STAB2: variants seen among roughly 807,000 people sequenced by gnomAD.
STAB2 encodes stabilin-2.
STAB2 carries 288 observed loss-of-function variants against 338.1 expected under a neutral mutation model. The observed-to-expected ratio is 0.85, with a 90% CI of 0.77 to 0.94. The LOEUF is 0.94. STAB2 is among the 40% of genes least tolerant of loss of function. The probability of loss-of-function intolerance (pLI) is 0.00; values close to 1 mark genes in which losing one functional copy is unlikely to be tolerated. For synonymous variants in STAB2, 1,202 were observed against 1,193.3 expected (o/e 1.01, Z -0.15); for missense variants, 3,141 against 3,210.1 (o/e 0.98, Z 0.52).
At chr12:103,672,224 G>A (rs1313714644) in intron 22 of STAB2, among the ~76,000 whole-genome samples, 1 of 152,192 alleles carries the variant, frequency 6.6e-6, no homozygotes, top group Non-Finnish European at 1.5e-5. Context: ...GGATGGATGG[G>A]AAAGCAGAGC....
chr12:103,675,023 A>G (rs559526822), intron 23 of STAB2, among the ~76,000 whole-genome samples: 8 of 152,294 alleles, frequency 5.3e-5, no homozygotes, highest in Admixed American at 5.2e-4. Flanking sequence ...TATGAACTAT[A>G]TTGTCTTAGG....
chr12:103,591,917 T>A (rs768131111), intron 2 of STAB2, among the ~76,000 whole-genome samples: 21 of 152,224 alleles, frequency 1.4e-4, no homozygotes, highest in Non-Finnish European at 4.4e-5. Flanking sequence ...TAGTACTCAA[T>A]GAGTTTGCTT....
intron 67 of STAB2, 103 bp downstream of exon 67, chr12:103,762,505 G>A (rs767489409): frequency 7.7e-5 from 121 of 1,567,508 alleles, no homozygotes; most frequent in Non-Finnish European, 1.0e-4. Context: ...TCCTCACCCA[G>A]AAGCAGTGTG....
At chr12:103,675,873 C>T in intron 23 of STAB2, 55 bp from the exon 24 acceptor site, 1 of 1,459,148 alleles carries the variant, frequency 6.9e-7, no homozygotes. Flanking sequence ...GGCTGGCTCT[C>T]TTCTGGGTCG....
intron 50 of STAB2, 37 bp from the exon 51 acceptor site, chr12:103,732,969 G>A (rs1327135851): frequency 6.2e-7 from 1 of 1,603,982 alleles, no homozygotes; most frequent in Non-Finnish European, 8.5e-7. Context: ...TCTGGGCCTT[G>A]CTCAAGCCAG....
chr12:103,733,909 TAGG>T (rs1881858537), intron 51 of STAB2, among the ~76,000 whole-genome samples: 2 of 144,834 alleles, frequency 1.4e-5, no homozygotes, highest in Non-Finnish European at 1.5e-5. Context: ...CACAATCACA[TAGG>T]AGCAAACATC....
intron 24 of STAB2, among the ~76,000 whole-genome samples, chr12:103,676,749 T>G (rs1876410887): frequency 6.6e-6 from 1 of 152,204 alleles, no homozygotes; most frequent in East Asian, 1.9e-4. Flanking sequence ...TATGGTTTAG[T>G]AACTGGTTTC....
chr12:103,757,999 G>A, intron 63 of STAB2, 171 bp from the exon 64 acceptor site: 1 of 930,226 alleles, frequency 1.1e-6, no homozygotes, highest in Non-Finnish European at 1.6e-6. Context: ...GAAAGGAAAA[G>A]TCCTCAAACT....
intron 25 of STAB2, among the ~76,000 whole-genome samples, chr12:103,682,600 T>A (rs1433571337): frequency 7.7e-6 from 1 of 129,816 alleles, no homozygotes; most frequent in Admixed American, 7.6e-5. Context: ...AATATGATGC[T>A]TTTTAGGGCC....
At chr12:103,625,694 A>G (rs535939877) in intron 5 of STAB2, among the ~76,000 whole-genome samples, 2 of 152,170 alleles carry the variant, frequency 1.3e-5, no homozygotes, top group African/African-American at 2.4e-5. Context: ...TGAACTCATC[A>G]TTTTTATGGC....
chr12:103,736,719 C>A (rs1158425802), intron 52 of STAB2, among the ~76,000 whole-genome samples: 1 of 152,088 alleles, frequency 6.6e-6, no homozygotes, highest in East Asian at 1.9e-4. Flanking sequence ...CAGAGAGGTT[C>A]AGTGACTTGC....
chr12:103,711,605 G>A (rs891987419), intron 40 of STAB2, 89 bp downstream of exon 40: 4 of 1,428,742 alleles, frequency 2.8e-6, no homozygotes, highest in East Asian at 2.3e-5. Context: ...CAGGGGATTT[G>A]TTTCCTGACA....
Position 103,662,949 on chromosome 12 carries a change from TC to T in STAB2, c.1976del (p.Pro659ArgfsTer14), listed in dbSNP as rs1874749932. ...LTGVLIPPSI[V>X]PILPHRCDET... The stretch of plus-strand genomic sequence containing the variant: ...GGAGTTCTCATTCCTCCCTCCATTG[TC>T]CCGATTCTGCCCCATCGATGTGATG... On this transcript the variant is annotated frameshift_variant, in exon 18 of 69. Transcript: ENST00000388887. LOFTEE classifies it high-confidence loss of function. 6.2e-7 allele frequency: 1 copy of T among 1,614,126 alleles called. No homozygotes were observed. Among genetic ancestry groups the T allele is most frequent in the African/African-American group, 1.3e-5 (1 of 75,000 alleles).
At chr12:103,614,301 T>A (rs1593142590) in intron 3 of STAB2, among the ~76,000 whole-genome samples, 1 of 152,160 alleles carries the variant, frequency 6.6e-6, no homozygotes, top group East Asian at 1.9e-4. Flanking sequence ...AGGCATAGAG[T>A]GGAGCTCTTT....
chr12:103,743,822 G>A (rs866411828), intron 56 of STAB2, among the ~76,000 whole-genome samples: 14 of 152,340 alleles, frequency 9.2e-5, no homozygotes, highest in African/African-American at 3.4e-4. Context: ...GAAGACCAGG[G>A]TGGCTGAGCG....
At chr12:103,608,493 G>C (rs2138587765) in intron 3 of STAB2, among the ~76,000 whole-genome samples, 1 of 152,284 alleles carries the variant, frequency 6.6e-6, no homozygotes, top group South Asian at 2.1e-4. Flanking sequence ...GTCTTCTTTT[G>C]AGGAGTGTCT....
intron 52 of STAB2, among the ~76,000 whole-genome samples, chr12:103,736,089 G>A (rs1882099698): frequency 6.6e-6 from 1 of 152,202 alleles, no homozygotes; most frequent in African/African-American, 2.4e-5. Flanking sequence ...TGATGAATGG[G>A]TCTAATGGGA....
At chr12:103,650,474 T>A in intron 10 of STAB2, 22 bp from the exon 11 acceptor site, 1 of 1,610,122 alleles carries the variant, frequency 6.2e-7, no homozygotes. Context: ...TTTTCTTTCT[T>A]TGTGTTATTT....
intron 30 of STAB2, 78 bp downstream of exon 30, chr12:103,690,616 A>G (rs1437256346): frequency 1.6e-6 from 2 of 1,288,844 alleles, no homozygotes; most frequent in African/African-American, 1.5e-5. Context: ...TTTTCATGTT[A>G]TGGGAACTTC....
Sources: allele counts gnomAD v4.1 joint callset (sites outside exome capture counted in the v4.1 genomes callset), GRCh38; gene constraint gnomAD v4.1.1; transcripts MANE v1.5; gene names NCBI Gene and HGNC (gene_info 2026-07-23, HGNC 2026-07-21).